USP34: variants seen among roughly 807,000 people sequenced by gnomAD.
USP34 encodes the protein ubiquitin specific peptidase 34, also known as ubiquitin carboxyl-terminal hydrolase 34.
A neutral mutation model predicts 460.3 loss-of-function variants in USP34; 70 were observed. That is an observed-to-expected ratio of 0.15 (90% CI 0.13 to 0.19). The LOEUF (loss-of-function observed/expected upper bound fraction) is 0.19. USP34 is among the 10% of genes least tolerant of loss of function. USP34 has a pLI of 1.00. For missense variants in USP34, 3,985 were observed against 4,236.2 expected, an observed-to-expected ratio of 0.94 and a Z score of 1.65; for synonymous variants, 1,647 against 1,405.3, an observed-to-expected ratio of 1.17 and a Z score of -3.85.
chr2:61,432,797 A>C (rs901448651), intron 1 of USP34, among the ~76,000 whole-genome samples: 1 of 152,202 alleles, frequency 6.6e-6, no homozygotes, highest in East Asian at 1.9e-4. Flanking sequence ...ATAAGTGTTC[A>C]CTGCCCATAA....
rs200420383 is a variant in USP34, at chr2:61,258,968, TGACA to T, written c.5844+739_5844+742del. Among the ~76,000 whole-genome samples the T allele has an allele frequency of 3.5e-3, 534 of 152,210 alleles. 2 individuals are homozygous for T. The highest frequency in any genetic ancestry group is 0.011 in the African/African-American group (442 of 41,532). On this transcript the variant is annotated intron_variant, in intron 44 of 79. Coordinates refer to ENST00000398571, the MANE Select transcript of USP34 (RefSeq NM_014709.4). ...TATTATGACAAATAACAGAGATAAC[TGACA>T]GACAGCTCCGGGCACGGTGGCTCAC...
chr2:61,261,214 G>A (rs978905798), intron 43 of USP34, among the ~76,000 whole-genome samples: 18 of 152,142 alleles, frequency 1.2e-4, no homozygotes, highest in Admixed American at 9.8e-4. Context: ...ACCCATGTCC[G>A]TAACAGCATT....
chr2:61,332,222 A>G (rs1183160834), intron 19 of USP34, among the ~76,000 whole-genome samples: 1 of 152,044 alleles, frequency 6.6e-6, no homozygotes, highest in African/African-American at 2.4e-5. Flanking sequence ...ATTTTAAACT[A>G]TGGGCCATTA....
intron 1 of USP34, among the ~76,000 whole-genome samples, chr2:61,423,221 C>T (rs1330041783): frequency 1.3e-5 from 2 of 152,196 alleles, no homozygotes; most frequent in East Asian, 3.8e-4. Flanking sequence ...TCAAGCGATT[C>T]TCCTGCCTCA....
intron 58 of USP34, among the ~76,000 whole-genome samples, chr2:61,230,882 T>A (rs1572854358): frequency 6.7e-6 from 1 of 148,306 alleles, no homozygotes; most frequent in African/African-American, 2.5e-5. Flanking sequence ...CAAAAAACAG[T>A]TTACCAGTTC....
chr2:61,243,409 C>A (rs7601945), intron 51 of USP34, among the ~76,000 whole-genome samples: 1 of 151,652 alleles, frequency 6.6e-6, no homozygotes, highest in Admixed American at 6.6e-5. Flanking sequence ...GGCCTCCCAA[C>A]GTGCTGGGAT....
rs1202474950 is a variant in USP34 at position 61,214,296 on chromosome 2, T to C, written c.8446A>G (p.Ile2816Val). ...ACTGGGTTCTGAACAATAAGGCGGA[T>C]ATTCTCTGGACAGTCAGCACAGACA... ...YNVCADCPEN[I>V]RLIVQNPVVT... Residue 2816 changes from isoleucine to valine, a missense_variant, in exon 68 of 80, where the codon ATC (isoleucine) becomes GTC (valine). Around this residue, in one of 14 missense-constraint regions of USP34, gnomAD observed 66 missense variants for 121.2 expected, o/e 0.54. Coordinates refer to ENST00000398571, the MANE Select transcript of USP34 (RefSeq NM_014709.4). The C allele has an allele frequency of 6.2e-7, 1 of 1,614,218 alleles. No homozygotes were observed. The highest frequency in any genetic ancestry group is 2.2e-5 in the East Asian group (1 of 44,884).
At position 61,300,856 on chromosome 2, in the gene USP34, C is replaced by G; in HGVS notation, c.4128+95G>C. On this transcript the variant is annotated intron_variant, in intron 29 of 79. Transcript: ENST00000398571. ...AAAAAGGAGAGAAAATTATTATATA[C>G]TTTATAACGTTTTATAAACTATACT... The G allele has an allele frequency of 5.2e-6, 4 of 772,168 alleles. No homozygotes were observed. In the South Asian group the frequency reaches 9.6e-5, roughly 18 times the overall value. The allele number at this position is 772,168 out of a possible 1,614,324, so 47.8% of individuals were successfully genotyped here.
chr2:61,255,054 A>G (rs1688689237), intron 48 of USP34, among the ~76,000 whole-genome samples: 1 of 152,138 alleles, frequency 6.6e-6, no homozygotes, highest in African/African-American at 2.4e-5. Context: ...TGTTGCCCTC[A>G]AACTCCTGGG....
At chr2:61,344,162 A>G in intron 15 of USP34, 133 bp from the exon 16 acceptor site, 1 of 756,314 alleles carries the variant, frequency 1.3e-6, no homozygotes, top group Non-Finnish European at 2.1e-6. Flanking sequence ...ACAATATGGA[A>G]TGTTGAGAGC....
At chr2:61,301,319 A>G in intron 28 of USP34, 35 bp downstream of exon 28, 1 of 1,600,286 alleles carries the variant, frequency 6.2e-7, no homozygotes, top group Non-Finnish European at 8.5e-7. Flanking sequence ...TTATAAACAG[A>G]TCATTAAAAC....
At chr2:61,223,392 A>G (rs2103814088) in intron 62 of USP34, 96 bp from the exon 63 acceptor site, 1 of 1,240,984 alleles carries the variant, frequency 8.1e-7, no homozygotes, top group South Asian at 1.4e-5. Flanking sequence ...TTCAATTATA[A>G]TTGTATTAAC....
At chr2:61,411,119 T>C (rs1458967530) in intron 2 of USP34, among the ~76,000 whole-genome samples, 2 of 152,002 alleles carry the variant, frequency 1.3e-5, no homozygotes, top group Non-Finnish European at 2.9e-5. Context: ...TGAAAGCAAC[T>C]CATGCCTGTA....
At chr2:61,451,085 G>C (rs1366936066) in intron 1 of USP34, among the ~76,000 whole-genome samples, 1 of 151,462 alleles carries the variant, frequency 6.6e-6, no homozygotes, top group Non-Finnish European at 1.5e-5. Flanking sequence ...GCTGGGCATG[G>C]TGGTAGGCGC....
At chr2:61,312,592 A>C (rs371174350) in intron 25 of USP34, among the ~76,000 whole-genome samples, 2 of 152,296 alleles carry the variant, frequency 1.3e-5, no homozygotes, top group African/African-American at 2.4e-5. Context: ...GAACTTGTCT[A>C]ATTTCCACAT....
chr2:61,336,736 G>C (rs1217619588), intron 18 of USP34, among the ~76,000 whole-genome samples: 1 of 149,758 alleles, frequency 6.7e-6, no homozygotes, highest in South Asian at 2.1e-4. Flanking sequence ...CTTGAACCCG[G>C]GAGGCAGAGG....
intron 3 of USP34, among the ~76,000 whole-genome samples, chr2:61,400,724 A>G (rs1262267606): frequency 2.0e-5 from 3 of 152,052 alleles, no homozygotes; most frequent in African/African-American, 7.2e-5. Context: ...GGTGGCATGC[A>G]CCTGTACTCC....
rs556557897 is a variant in USP34 at position 61,218,255 on chromosome 2, T to A, written c.8047+2055A>T. ...TTGTTAAGAGCGCACAGCTCTCACA[T>A]AGCTCTTGGCTGTGTGCTCTTACAA... On this transcript the variant is annotated intron_variant, in intron 67 of 79. Transcript: ENST00000398571. 1.7e-4 allele frequency among the ~76,000 whole-genome samples: 25 copies of A among 145,816 alleles called. No individual in the cohort carries two copies. The South Asian group carries it at 5.0e-3, about 29-fold the overall frequency.
At chr2:61,416,923 A>G in intron 2 of USP34, 2 of 1,117,632 alleles carry the variant, frequency 1.8e-6, no homozygotes, top group Non-Finnish European at 2.6e-6. Context: ...AGGGCCATGA[A>G]TGGCGACATA....
Sources: allele counts gnomAD v4.1 joint callset (sites outside exome capture counted in the v4.1 genomes callset), GRCh38; gene constraint gnomAD v4.1.1; regional missense constraint gnomAD v4.1.1; transcripts MANE v1.5; gene names NCBI Gene and HGNC (gene_info 2026-07-23, HGNC 2026-07-21).